HS2ST1: variants seen among roughly 807,000 people sequenced by gnomAD.
The protein encoded by HS2ST1 is 2-O-sulfotransferase.
A neutral mutation model predicts 42.9 loss-of-function variants in HS2ST1; 18 were observed. The ratio of observed to expected loss-of-function variants is 0.42; its 90% CI spans 0.29 to 0.62. The LOEUF (loss-of-function observed/expected upper bound fraction) is 0.62, where lower values mean the gene tolerates loss of function less well. Among genes scored for constraint, HS2ST1 ranks in the 20% least tolerant of loss-of-function variants. The pLI is 0.21. For missense variants in HS2ST1, 334 were observed against 433.8 expected, an observed-to-expected ratio of 0.77 and a Z score of 2.04; for synonymous variants, 146 against 152.9, an observed-to-expected ratio of 0.95 and a Z score of 0.33.
chr1:87,102,493 C>T (rs1652237161), intron 5 of HS2ST1, among the ~76,000 whole-genome samples: 1 of 152,188 alleles, frequency 6.6e-6, no homozygotes, highest in Non-Finnish European at 1.5e-5. Context: ...GCCCAGCCTC[C>T]AACACTGGGA....
chr1:86,930,138 A>T (rs1344849355), intron 1 of HS2ST1, among the ~76,000 whole-genome samples: 1 of 151,830 alleles, frequency 6.6e-6, no homozygotes, highest in Admixed American at 6.6e-5. Context: ...GAATTATAGC[A>T]TTATTCTTAA....
intron 1 of HS2ST1, among the ~76,000 whole-genome samples, chr1:86,944,424 G>A (rs1348308954): frequency 6.6e-6 from 1 of 152,054 alleles, no homozygotes; most frequent in Admixed American, 6.6e-5. Flanking sequence ...GCGTGATCTT[G>A]ACTTACTGCA....
Position 87,064,714 on chromosome 1 carries a change from G to A in HS2ST1, c.125-8220G>A, listed in dbSNP as rs546774452. The stretch of plus-strand genomic sequence containing the variant: ...CTTGCTCTGTCATCCAGGCTGGAGC[G>A]CAGTGGTGTGAACATGGCTCACTGC... On this transcript the variant is annotated intron_variant, in intron 1 of 6. Transcript: ENST00000370550. Among the ~76,000 whole-genome samples, 316 of 152,226 alleles carry A rather than the reference G, an allele frequency of 2.1e-3. 1 individual carries two copies. The highest frequency in any genetic ancestry group is 3.1e-3 in the Non-Finnish European group (209 of 68,010).
At chr1:87,037,753 TATC>T (rs1650418696) in intron 1 of HS2ST1, among the ~76,000 whole-genome samples, 1 of 151,976 alleles carries the variant, frequency 6.6e-6, no homozygotes, top group African/African-American at 2.4e-5. Context: ...AAGAGATGGT[TATC>T]ATAGTGAATG....
intron 1 of HS2ST1, among the ~76,000 whole-genome samples, chr1:86,923,461 A>G (rs1317687203): frequency 2.6e-5 from 4 of 151,634 alleles, no homozygotes; most frequent in African/African-American, 4.9e-5. Flanking sequence ...CAGTGGCGCA[A>G]TCTCGGCTCA....
chr1:87,049,709 T>C (rs771970256), intron 1 of HS2ST1, among the ~76,000 whole-genome samples: 1 of 152,086 alleles, frequency 6.6e-6, no homozygotes, highest in Non-Finnish European at 1.5e-5. Flanking sequence ...AAATGTTCCA[T>C]GTACACTTGA....
chr1:87,099,568 A>T (rs1387115228), intron 5 of HS2ST1, among the ~76,000 whole-genome samples: 2 of 152,218 alleles, frequency 1.3e-5, no homozygotes, highest in East Asian at 1.9e-4. Context: ...ACATTTCAAC[A>T]TGAGATTTGG....
chr1:86,932,664 G>A (rs1660568197), intron 1 of HS2ST1, among the ~76,000 whole-genome samples: 1 of 152,102 alleles, frequency 6.6e-6, no homozygotes, highest in African/African-American at 2.4e-5. Flanking sequence ...GAAGCAAGCA[G>A]GATAGTCACT....
chr1:86,945,070 C>T (rs191031166), intron 1 of HS2ST1, among the ~76,000 whole-genome samples: 8 of 152,180 alleles, frequency 5.3e-5, no homozygotes, highest in Non-Finnish European at 7.4e-5. Context: ...CTTTGATCAC[C>T]ACCAGCAAGC....
At chr1:87,098,752 C>G (rs1652129700) in intron 5 of HS2ST1, among the ~76,000 whole-genome samples, 1 of 152,256 alleles carries the variant, frequency 6.6e-6, no homozygotes, top group South Asian at 2.1e-4. Flanking sequence ...CAGGTTGTAT[C>G]CTGCAGACCC....
At chr1:87,010,755 ACTGTTTTGTTTTGTTTTGTT>A (rs894580990) in intron 1 of HS2ST1, among the ~76,000 whole-genome samples, 1 of 132,944 alleles carries the variant, frequency 7.5e-6, no homozygotes, top group Non-Finnish European at 1.6e-5. Context: ...AATAGATTTT[ACTGTTTTGTTTTGTTTTGTT>A]TTGTTTTGTT....
chr1:86,981,970 C>T (rs1048557955), intron 1 of HS2ST1, among the ~76,000 whole-genome samples: 1 of 152,234 alleles, frequency 6.6e-6, no homozygotes, highest in Non-Finnish European at 1.5e-5. Context: ...TTCTGCCTGG[C>T]CATCCAAGTG....
chr1:87,043,107 A>T (rs1352257509), intron 1 of HS2ST1, among the ~76,000 whole-genome samples: 1 of 152,222 alleles, frequency 6.6e-6, no homozygotes, highest in East Asian at 1.9e-4. Flanking sequence ...CTTTCTATGT[A>T]GAGAACCGTT....
intron 1 of HS2ST1, among the ~76,000 whole-genome samples, chr1:86,973,096 C>G (rs573480314): frequency 3.7e-4 from 56 of 152,282 alleles, no homozygotes; most frequent in African/African-American, 1.3e-3. Flanking sequence ...GGTTTCTCCA[C>G]TGTAAAGCTA....
At chr1:87,099,435 A>C (rs1652148816) in intron 5 of HS2ST1, among the ~76,000 whole-genome samples, 1 of 152,160 alleles carries the variant, frequency 6.6e-6, no homozygotes, top group South Asian at 2.1e-4. Context: ...AAACAACCAG[A>C]TCTTACGTGA....
At chr1:87,017,582 C>A (rs191634409) in intron 1 of HS2ST1, among the ~76,000 whole-genome samples, 1 of 152,126 alleles carries the variant, frequency 6.6e-6, no homozygotes, top group East Asian at 1.9e-4. Context: ...GAGAAGACAG[C>A]GGGCACAGTC....
intron 1 of HS2ST1, among the ~76,000 whole-genome samples, chr1:86,963,177 T>A (rs887475125): frequency 2.0e-5 from 3 of 151,398 alleles, no homozygotes; most frequent in South Asian, 2.1e-4. Flanking sequence ...TTTTTTTTTT[T>A]AATTGATCAT....
intron 1 of HS2ST1, among the ~76,000 whole-genome samples, chr1:86,926,317 T>C (rs1199393716): frequency 1.3e-5 from 2 of 152,186 alleles, no homozygotes; most frequent in Admixed American, 1.3e-4. Flanking sequence ...ATTCTGTTTT[T>C]AGCTCTGTCC....
intron 1 of HS2ST1, among the ~76,000 whole-genome samples, chr1:86,932,754 G>A (rs1362767586): frequency 1.3e-5 from 2 of 152,122 alleles, no homozygotes; most frequent in Non-Finnish European, 2.9e-5. Context: ...GAGAAGTACA[G>A]CAATCCAGGT....
Sources: allele counts gnomAD v4.1 joint callset (sites outside exome capture counted in the v4.1 genomes callset), GRCh38; gene constraint gnomAD v4.1.1; transcripts MANE v1.5; gene names NCBI Gene and HGNC (gene_info 2026-07-23, HGNC 2026-07-21).